Variants in ST3GAL1 observed in about 807,000 individuals in gnomAD.
ST3GAL1 encodes CMP-N-acetylneuraminate-beta-galactosamide-alpha-2,3-sialyltransferase 1.
A neutral mutation model predicts 34.1 loss-of-function variants in ST3GAL1; 16 were observed. The ratio of observed to expected loss-of-function variants is 0.47; its 90% confidence interval spans 0.32 to 0.71. The LOEUF is 0.71. Among genes scored for constraint, ST3GAL1 ranks in the 30% least tolerant of loss-of-function variants. The probability of loss-of-function intolerance (pLI) is 0.04; values close to 1 mark genes in which losing one functional copy is unlikely to be tolerated. For synonymous variants in ST3GAL1, 191 were observed against 184.7 expected (o/e 1.03, Z -0.28); for missense variants, 353 against 447.4 (o/e 0.79, Z 1.90).
intron 3 of ST3GAL1, among the ~76,000 whole-genome samples, chr8:133,494,130 T>C (rs1401255917): frequency 6.6e-6 from 1 of 152,184 alleles, no homozygotes; most frequent in Non-Finnish European, 1.5e-5. Context: ...TGTTTCTTAT[T>C]AACGCAGAGA....
intron 6 of ST3GAL1, 164 bp downstream of exon 6, chr8:133,465,730 G>C: frequency 1.5e-6 from 1 of 663,594 alleles, no homozygotes. Flanking sequence ...GCAGAGATGG[G>C]GAAGCTGAGG....
rs575333914 is a variant in ST3GAL1, at chr8:133,500,623, G to C, written c.-428-1434C>G. 4.5e-4 allele frequency among the ~76,000 whole-genome samples: 69 copies of C among 152,266 alleles called. No individual in the cohort carries two copies. In the South Asian group the frequency reaches 0.014, roughly 31 times the overall value. ...ATTCACTGGCTGTACATCCTGCCAGGAGTCACTTAACCTCACTGTGCCTCA... is the reference window on the plus strand; with the variant it reads ...ATTCACTGGCTGTACATCCTGCCAGCAGTCACTTAACCTCACTGTGCCTCA... On this transcript the variant is annotated intron_variant, in intron 2 of 9. Transcript: ENST00000522652.
chr8:133,490,153 A>G (rs1816744371), intron 3 of ST3GAL1, among the ~76,000 whole-genome samples: 1 of 152,176 alleles, frequency 6.6e-6, no homozygotes, highest in African/African-American at 2.4e-5. Flanking sequence ...GGGACTAGCT[A>G]AAGTGCAGTT....
chr8:133,538,645 G>A (rs1440799592), intron 2 of ST3GAL1, among the ~76,000 whole-genome samples: 1 of 152,236 alleles, frequency 6.6e-6, no homozygotes, highest in Non-Finnish European at 1.5e-5. Context: ...TCCTTTCTCT[G>A]TGCATATGTA....
chr8:133,562,841 C>CTTTTT (rs1554621250), intron 1 of ST3GAL1, among the ~76,000 whole-genome samples: 1 of 82,496 alleles, frequency 1.2e-5, no homozygotes. Flanking sequence ...TTCCTTCCTT[C>CTTTTT]CTTTCTTTCT....
chr8:133,542,513 G>A (rs992532424), intron 2 of ST3GAL1, among the ~76,000 whole-genome samples: 1 of 152,188 alleles, frequency 6.6e-6, no homozygotes, highest in Admixed American at 6.5e-5. Flanking sequence ...GGTGGCTTAC[G>A]CCTGTATTCC....
At chr8:133,514,231 G>A (rs1817580064) in intron 2 of ST3GAL1, among the ~76,000 whole-genome samples, 1 of 152,176 alleles carries the variant, frequency 6.6e-6, no homozygotes, top group Non-Finnish European at 1.5e-5. Flanking sequence ...GGGGATCTAA[G>A]ATTAACACCA....
chr8:133,528,412 T>C (rs1818040197), intron 2 of ST3GAL1, among the ~76,000 whole-genome samples: 1 of 152,196 alleles, frequency 6.6e-6, no homozygotes, highest in African/African-American at 2.4e-5. Flanking sequence ...GTGCTAGGCA[T>C]TGAGGGCACA....
chr8:133,540,570 T>C (rs928009627), intron 2 of ST3GAL1, among the ~76,000 whole-genome samples: 13 of 151,666 alleles, frequency 8.6e-5, no homozygotes, highest in Non-Finnish European at 1.6e-4. Context: ...CCTTCTCACC[T>C]CCCTATTTGC....
intron 2 of ST3GAL1, among the ~76,000 whole-genome samples, chr8:133,510,500 T>A (rs2945751): frequency 0.26 from 39,017 of 151,890 alleles, 5,188 homozygotes; most frequent in African/African-American, 0.31. Context: ...ATTCTAAACC[T>A]GTGCTAAAGC....
At chr8:133,477,560 G>A (rs893684289) in intron 3 of ST3GAL1, among the ~76,000 whole-genome samples, 2 of 151,830 alleles carry the variant, frequency 1.3e-5, no homozygotes, top group Non-Finnish European at 2.9e-5. Flanking sequence ...GGGTTGGGGG[G>A]CTCTACCCTG....
intron 1 of ST3GAL1, among the ~76,000 whole-genome samples, chr8:133,558,335 A>G (rs1404813269): frequency 6.6e-6 from 1 of 152,196 alleles, no homozygotes; most frequent in African/African-American, 2.4e-5. Flanking sequence ...CCTGGGAGGT[A>G]GGTACCATTG....
rs563784716 is a variant in ST3GAL1 at position 133,570,580 on chromosome 8, C to A, written c.-582+1113G>T. Among the ~76,000 whole-genome samples, 1 of 152,298 alleles carries A rather than the reference C, an allele frequency of 6.6e-6. No individual in the cohort carries two copies. The highest frequency in any genetic ancestry group is 6.5e-5 in the Admixed American group (1 of 15,298). Reference sequence around the variant, plus strand: ...AGAGCCAGACGATCCCCACACGCTTCCTGGGAGACCCGGCTGCAAGGCCAG... The same window carrying A: ...AGAGCCAGACGATCCCCACACGCTTACTGGGAGACCCGGCTGCAAGGCCAG... On this transcript the variant is annotated intron_variant, in intron 1 of 9. Coordinates refer to ENST00000522652, the MANE Select transcript of ST3GAL1 (RefSeq NM_173344.3). This position sits in a 1 kb window ranked among gnomAD's most constrained non-coding sequence, Gnocchi z 5.6.
rs962520545 is a variant in ST3GAL1 at position 133,476,042 on chromosome 8, T to C, written c.-18A>G. 8.4e-6 allele frequency: 13 copies of C among 1,543,584 alleles called. No individual in the cohort carries two copies. Among genetic ancestry groups the C allele is most frequent in the Non-Finnish European group, 2.6e-6 (3 of 1,144,036 alleles). ...GTCACCATCTTCGCAGTCCTGATGG[T>C]GGCCTCCCACGATGGGTAGCAGGAA... is the stretch of plus-strand genomic sequence containing the variant. On this transcript the variant is annotated 5_prime_UTR_variant, in exon 5 of 10. Transcript: ENST00000522652.
intron 3 of ST3GAL1, among the ~76,000 whole-genome samples, chr8:133,480,442 A>G (rs1179427924): frequency 1.3e-5 from 2 of 152,150 alleles, no homozygotes; most frequent in African/African-American, 2.4e-5. Context: ...GGATGGTAGT[A>G]AATACCCATC....
chr8:133,535,574 C>A (rs990556798), intron 2 of ST3GAL1, among the ~76,000 whole-genome samples: 1 of 148,160 alleles, frequency 6.7e-6, no homozygotes, highest in African/African-American at 2.6e-5. Context: ...CTGTTCATAG[C>A]TCCCTGCAGC....
In ST3GAL1 at chr8:133,556,793, G is replaced by A. The variant is rs567932879; in HGVS notation, c.-581-10867C>T. The stretch of plus-strand genomic sequence containing the variant: ...GCCACCACTAACAGTCCTATTTATA[G>A]CCCTTTGAAATATGGTGTGGTGGAG... On this transcript the variant is annotated intron_variant, in intron 1 of 9. Coordinates refer to ENST00000522652, the MANE Select transcript of ST3GAL1 (RefSeq NM_173344.3). The surrounding 1 kb of genome is among the most constrained non-coding windows in gnomAD (Gnocchi z 8.9). Among the ~76,000 whole-genome samples, 1 of 152,266 alleles carries A rather than the reference G, an allele frequency of 6.6e-6. No individual in the cohort carries two copies. Among genetic ancestry groups the A allele is most frequent in the South Asian group, 2.1e-4 (1 of 4,816 alleles).
At chr8:133,551,403 G>A (rs1818831321) in intron 1 of ST3GAL1, among the ~76,000 whole-genome samples, 1 of 151,836 alleles carries the variant, frequency 6.6e-6, no homozygotes, top group South Asian at 2.1e-4. Context: ...AGGAGGCAGA[G>A]GTTGCAGTGA....
At chr8:133,495,477 A>G (rs1816916922) in intron 3 of ST3GAL1, among the ~76,000 whole-genome samples, 1 of 152,180 alleles carries the variant, frequency 6.6e-6, no homozygotes, top group Non-Finnish European at 1.5e-5. Flanking sequence ...TCGCACTTAA[A>G]TTGTTAGACG....
Sources: allele counts gnomAD v4.1 joint callset (sites outside exome capture counted in the v4.1 genomes callset), GRCh38; gene constraint gnomAD v4.1.1; non-coding constraint Gnocchi (gnomAD v3.1); transcripts MANE v1.5; gene names NCBI Gene and HGNC (gene_info 2026-07-23, HGNC 2026-07-21).